The following ESRRG variants were observed in gnomAD, a reference collection of about 807,000 sequenced individuals.
ESRRG encodes the protein estrogen related receptor gamma.
A neutral mutation model predicts 44.0 loss-of-function variants in ESRRG; 13 were observed. The observed-to-expected ratio is 0.30, with a 90% CI of 0.19 to 0.47. The LOEUF (loss-of-function observed/expected upper bound fraction) is 0.47. Among genes scored for constraint, ESRRG ranks in the 20% least tolerant of loss-of-function variants. ESRRG has a pLI of 1.00. For missense variants in ESRRG, 395 were observed against 580.6 expected (o/e 0.68, Z 3.29); for synonymous variants, 215 against 214.6 (o/e 1.00, Z -0.02).
At chr1:216,671,493 G>T (rs1445201719) in intron 2 of ESRRG, among the ~76,000 whole-genome samples, 2 of 152,090 alleles carry the variant, frequency 1.3e-5, no homozygotes, top group African/African-American at 2.4e-5. Flanking sequence ...CCAGCCTCTG[G>T]GTATCCCAGT....
In ESRRG at chr1:216,706,430, T is replaced by C. The variant is rs1247234452; in HGVS notation, c.56+16814A>G. On this transcript the variant is annotated intron_variant, in intron 1 of 6. Coordinates refer to ENST00000408911, the MANE Select transcript of ESRRG (RefSeq NM_001438.4). ...ACCATATGTTTACAGCCTTTTGATGTTGCAGAAAATGCTGGCTGTGCCCAC... is the reference window on the plus strand; with the variant it reads ...ACCATATGTTTACAGCCTTTTGATGCTGCAGAAAATGCTGGCTGTGCCCAC... Among the ~76,000 whole-genome samples, 4 of 152,218 alleles carry C rather than the reference T, an allele frequency of 2.6e-5. No homozygotes were observed. In the East Asian group the frequency reaches 5.8e-4, roughly 22 times the overall value.
Position 216,677,265 on chromosome 1 carries a change from C to T in ESRRG, c.283G>A (p.Gly95Arg). 1 of 1,614,124 alleles carries T rather than the reference C, an allele frequency of 6.2e-7. No homozygotes were observed. The highest frequency in any genetic ancestry group is 8.5e-7 in the Non-Finnish European group (1 of 1,180,016). Reference protein sequence around the residue: ...YPSAPILGGSGPVRKLYDDCS... With the variant: ...YPSAPILGGSRPVRKLYDDCS... ...TCATCATACAGTTTCCTGACAGGCCCACTACCTCCCAGGATAGGAGCAGAA... is the reference window on the plus strand; with the variant it reads ...TCATCATACAGTTTCCTGACAGGCCTACTACCTCCCAGGATAGGAGCAGAA... Residue 95 changes from glycine (G) to arginine (R), a missense_variant, in exon 2 of 7, where the codon GGG (glycine) becomes AGG (arginine). This residue lies in a region of ESRRG where 148 missense variants were observed against 150.4 expected (regional missense o/e 0.98). Transcript: ENST00000408911.
intron 1 of ESRRG, among the ~76,000 whole-genome samples, chr1:217,076,078 T>A (rs1035708232): frequency 6.6e-6 from 1 of 152,220 alleles, no homozygotes; most frequent in Non-Finnish European, 1.5e-5. Context: ...TCCAGGATGA[T>A]GCAATTATTT....
At chr1:216,738,528 C>G (rs912971389) in intron 2 of ESRRG, among the ~76,000 whole-genome samples, 1 of 152,092 alleles carries the variant, frequency 6.6e-6, no homozygotes, top group African/African-American at 2.4e-5. Flanking sequence ...AATTTAGTTG[C>G]TTTTCATTTT....
At chr1:216,663,354 A>G (rs1028145749) in intron 2 of ESRRG, among the ~76,000 whole-genome samples, 1 of 152,200 alleles carries the variant, frequency 6.6e-6, no homozygotes, top group African/African-American at 2.4e-5. Flanking sequence ...GGAAACTGTA[A>G]ATAGTATGCA....
chr1:216,582,066 G>A (rs1284906233), intron 3 of ESRRG, among the ~76,000 whole-genome samples: 2 of 152,042 alleles, frequency 1.3e-5, no homozygotes, highest in Non-Finnish European at 2.9e-5. Context: ...TATCTGCATA[G>A]ATTAAATTAC....
At chr1:216,627,414 G>A (rs994674327) in intron 3 of ESRRG, among the ~76,000 whole-genome samples, 5 of 151,986 alleles carry the variant, frequency 3.3e-5, no homozygotes, top group African/African-American at 1.2e-4. Flanking sequence ...TGCCAGCTCG[G>A]CTTCCTCAAC....
rs556775895 is a variant in ESRRG, at chr1:216,571,884, G to A, written c.590-3786C>T. On this transcript the variant is annotated intron_variant, in intron 3 of 6. Coordinates refer to ENST00000408911, the MANE Select transcript of ESRRG (RefSeq NM_001438.4). ...GATTACATAATTATTAGTAAAAATT[G>A]ACAGGGACTCCACATGCAATATTAT... Among the ~76,000 whole-genome samples the A allele has an allele frequency of 5.3e-5, 8 of 152,108 alleles. No homozygotes were observed. In the East Asian group the frequency reaches 7.7e-4, roughly 15 times the overall value.
intron 3 of ESRRG, among the ~76,000 whole-genome samples, chr1:216,647,897 TTC>T (rs2067988594): frequency 2.0e-5 from 3 of 152,174 alleles, no homozygotes. Flanking sequence ...CTGATTTCAT[TTC>T]AGATTCTAGA....
At chr1:216,923,220 ACAC>A in intron 2 of ESRRG, among the ~76,000 whole-genome samples, 1 of 152,356 alleles carries the variant, frequency 6.6e-6, no homozygotes, top group South Asian at 2.1e-4. Flanking sequence ...GCGCTGAGCT[ACAC>A]ATATGCAGCC....
chr1:216,794,361 A>T (rs1382268559), intron 2 of ESRRG, among the ~76,000 whole-genome samples: 1 of 152,186 alleles, frequency 6.6e-6, no homozygotes, highest in Non-Finnish European at 1.5e-5. Flanking sequence ...GGGAGTAAAT[A>T]CCTTCTCAGT....
chr1:216,789,214 A>T (rs1250698876), intron 2 of ESRRG, among the ~76,000 whole-genome samples: 3 of 152,106 alleles, frequency 2.0e-5, no homozygotes, highest in African/African-American at 7.2e-5. Flanking sequence ...TTATTCATGA[A>T]AGTAAGAGTC....
At chr1:217,088,894 T>C (rs2092257054) in intron 1 of ESRRG, among the ~76,000 whole-genome samples, 2 of 151,826 alleles carry the variant, frequency 1.3e-5, no homozygotes, top group South Asian at 4.2e-4. Flanking sequence ...AGGTAGATGG[T>C]TTAAAATAGT....
At chr1:217,000,438 GT>G (rs2076880628) in intron 1 of ESRRG, 1 of 152,092 alleles carries the variant, frequency 6.6e-6, no homozygotes, top group Non-Finnish European at 1.5e-5. Context: ...TTGTCCCTGT[GT>G]CCAAATTGTC....
At chr1:217,072,484 T>C (rs889505297) in intron 1 of ESRRG, among the ~76,000 whole-genome samples, 4 of 152,232 alleles carry the variant, frequency 2.6e-5, no homozygotes, top group Admixed American at 6.5e-5. Flanking sequence ...ATTTTAAATA[T>C]ATAATCTTAT....
At chr1:217,047,818 C>A (rs892666158) in intron 1 of ESRRG, among the ~76,000 whole-genome samples, 1 of 152,098 alleles carries the variant, frequency 6.6e-6, no homozygotes, top group Non-Finnish European at 1.5e-5. Flanking sequence ...AATTCTAAAT[C>A]CCATAGTTAA....
chr1:216,727,768 T>C (rs923643019), upstream of ESRRG, among the ~76,000 whole-genome samples: 2 of 152,144 alleles, frequency 1.3e-5, no homozygotes, highest in African/African-American at 4.8e-5. Context: ...GACAAACCTC[T>C]TGTCCTATAA....
chr1:216,642,055 C>T (rs145397099), intron 3 of ESRRG, among the ~76,000 whole-genome samples: 27 of 152,238 alleles, frequency 1.8e-4, no homozygotes, highest in African/African-American at 6.5e-4. Flanking sequence ...TGAAGAATCC[C>T]AAGCCAAATA....
upstream of ESRRG, among the ~76,000 whole-genome samples, chr1:217,093,008 A>G (rs935427758): frequency 3.9e-5 from 6 of 152,208 alleles, no homozygotes; most frequent in Non-Finnish European, 7.3e-5. Flanking sequence ...GTGAGCAGGT[A>G]TATAATTGTA....
Sources: allele counts gnomAD v4.1 joint callset (sites outside exome capture counted in the v4.1 genomes callset), GRCh38; gene constraint gnomAD v4.1.1; regional missense constraint gnomAD v4.1.1; transcripts MANE v1.5; gene names NCBI Gene and HGNC (gene_info 2026-07-23, HGNC 2026-07-21).